PDCD6: variants seen among roughly 807,000 people sequenced by gnomAD.
PDCD6 encodes the protein programmed cell death protein 6.
A neutral mutation model predicts 28.3 loss-of-function variants in PDCD6; 12 were observed. The observed-to-expected ratio is 0.42, with a 90% CI of 0.27 to 0.69. The LOEUF (loss-of-function observed/expected upper bound fraction) is 0.69, where lower values mean the gene tolerates loss of function less well. Among genes scored for constraint, PDCD6 ranks in the 30% least tolerant of loss-of-function variants. PDCD6 has a pLI of 0.22. For synonymous variants in PDCD6, 92 were observed against 108.0 expected (o/e 0.85, Z 0.92); for missense variants, 226 against 269.9 (o/e 0.84, Z 1.14).
At chr5:309,098 GGGGAGCCCCA>G (rs1316127522) in intron 4 of PDCD6, 1 of 152,376 alleles carries the variant, frequency 6.6e-6, no homozygotes, top group Non-Finnish European at 1.5e-5. Context: ...CAAGAGCTGG[GGGGAGCCCCA>G]GGGAGCCTCA....
chr5:306,201 G>A (rs545274006), intron 3 of PDCD6: 24 of 223,184 alleles, frequency 1.1e-4, no homozygotes, highest in African/African-American at 3.5e-4. Flanking sequence ...TTAGATTCGC[G>A]TTCTAGGCCG....
intron 2 of PDCD6, chr5:290,168 G>A (rs1412409608): frequency 2.8e-5 from 44 of 1,592,682 alleles, no homozygotes; most frequent in Non-Finnish European, 3.6e-5. Context: ...ACTTTCTCCA[G>A]TTTGAAAATA....
In PDCD6 at chr5:314,895, G is replaced by A. The variant is rs1029878886; in HGVS notation, c.*380G>A. 1.2e-5 allele frequency: 4 copies of A among 341,518 alleles called. No homozygotes were observed. The highest frequency in any genetic ancestry group is 8.5e-5 in the African/African-American group (4 of 46,806). 21.2% of individuals were successfully genotyped at this position (341,518 alleles called of 1,614,324 possible). On this transcript the variant is annotated 3_prime_UTR_variant, in exon 6 of 6. Transcript: ENST00000264933. ...GGAACTTACACAAAAGGCTTTTCAT[G>A]TGCCTTACTTTTTTAAAAAGGAGTT...
At chr5:298,765 C>A (rs778018129) in intron 2 of PDCD6, among the ~76,000 whole-genome samples, 61 of 21,400 alleles carry the variant, frequency 2.9e-3, no homozygotes, top group South Asian at 5.6e-3. Context: ...CCAACTGCTC[C>A]CCCCCAGCTG....
rs113802406 is a variant in PDCD6, at chr5:302,107, T to TGTGTGTGTGTGTGC, written c.164-2069_164-2068insTGTGTGTGTGTGCG. ...GTGTGTGTGTGTGTGTGTGTGTGTGTGCCTTGGGTTCAGGTGCACCTGCCT... is the reference window on the plus strand; with the variant it reads ...GTGTGTGTGTGTGTGTGTGTGTGTGTGTGTGTGTGTGTGCGCCTTGGGTTCAGGTGCACCTGCCT... On this transcript the variant is annotated intron_variant, in intron 2 of 5. Transcript: ENST00000264933. Among the ~76,000 whole-genome samples the TGTGTGTGTGTGTGC allele has an allele frequency of 8.7e-4, 97 of 111,674 alleles. 3 individuals are homozygous for TGTGTGTGTGTGTGC. The highest frequency in any genetic ancestry group is 1.3e-3 in the Non-Finnish European group (74 of 56,334). The allele number at this position is 111,674 out of a possible 152,430, so 73.3% of individuals were successfully genotyped here.
At chr5:279,204 C>A (rs573452330) in intron 2 of PDCD6, among the ~76,000 whole-genome samples, 2 of 138,636 alleles carry the variant, frequency 1.4e-5, no homozygotes, top group Non-Finnish European at 3.0e-5. Context: ...TTCATTCCCC[C>A]CTAAGAGTAT....
In PDCD6 at chr5:311,394, G is replaced by A. The variant is rs371288200; in HGVS notation, c.469G>A (p.Val157Ile). Residue 157 changes from valine (V) to isoleucine (I), a missense_variant, in exon 5 of 6, where the codon GTC becomes ATC. Physicochemically the swap from Val to Ile is conservative, Grantham distance 29. This residue lies in a region of PDCD6 where 151 missense variants were observed against 177.2 expected (regional missense o/e 0.85). Transcript: ENST00000264933. ...CGACGACTTCATCCAGGGCTGCATC[G>A]TCCTGCAGGTGACGGAATGGCTTCA... ...AFDDFIQGCI[V>I]LQRLTDIFRR... 62 of 1,611,304 alleles carry A rather than the reference G, an allele frequency of 3.8e-5. No homozygotes were observed. The highest frequency in any genetic ancestry group is 1.6e-4 in the Middle Eastern group (1 of 6,082).
At chr5:306,869 A>C (rs1740531374) in intron 4 of PDCD6, 109 bp downstream of exon 4, 7 of 1,155,166 alleles carry the variant, frequency 6.1e-6, no homozygotes, top group Admixed American at 1.8e-5. Context: ...CAGGCTACGT[A>C]AAGTTTTTGT....
At chr5:276,518 C>G (rs1254103514) in intron 2 of PDCD6, 23 of 976,486 alleles carry the variant, frequency 2.4e-5, no homozygotes, top group South Asian at 1.4e-4. Context: ...TCAGGCTGGT[C>G]TCAAACTCCT....
At chr5:292,923 C>T (rs970635663) in intron 2 of PDCD6, among the ~76,000 whole-genome samples, 2 of 152,230 alleles carry the variant, frequency 1.3e-5, no homozygotes, top group African/African-American at 4.8e-5. Context: ...GGGTTTACCT[C>T]CTGGCGTGGC....
Position 271,663 on chromosome 5 carries a change from C to A in PDCD6, c.-58C>A, listed in dbSNP as rs1190770970. ...CCCCCGGCAGAGGCGGAAGCGGAGTCGGCCTGAGAGGTCTCTCGTCGCTGC... is the reference window on the plus strand; with the variant it reads ...CCCCCGGCAGAGGCGGAAGCGGAGTAGGCCTGAGAGGTCTCTCGTCGCTGC... On this transcript the variant is annotated 5_prime_UTR_variant, in exon 1 of 6. Coordinates refer to ENST00000264933, the MANE Select transcript of PDCD6 (RefSeq NM_013232.4). 4 of 992,608 alleles carry A rather than the reference C, an allele frequency of 4.0e-6. No individual in the cohort carries two copies. The highest frequency in any genetic ancestry group is 2.7e-5 in the South Asian group (2 of 73,272). The allele number at this position is 992,608 out of a possible 1,614,324, so 61.5% of individuals were successfully genotyped here.
intron 2 of PDCD6, among the ~76,000 whole-genome samples, chr5:284,022 G>A (rs1188063300): frequency 1.3e-5 from 2 of 152,154 alleles, no homozygotes; most frequent in East Asian, 1.9e-4. Flanking sequence ...TGAAGACTCG[G>A]GGTGGAGCTT....
chr5:289,323 A>G (rs1160924644), intron 2 of PDCD6: 7 of 550,218 alleles, frequency 1.3e-5, no homozygotes, highest in East Asian at 3.1e-5. Context: ...AAGGAGTTCT[A>G]TTATGTACAA....
chr5:271,651 C>T lies in PDCD6; in HGVS notation c.-70C>T, dbSNP rs1193923553. ...TGCCAGGCCCTGCCCCCGGCAGAGG[C>T]GGAAGCGGAGTCGGCCTGAGAGGTC... On this transcript the variant is annotated 5_prime_UTR_variant, in exon 1 of 6. Coordinates refer to ENST00000264933, the MANE Select transcript of PDCD6 (RefSeq NM_013232.4). 4.6e-6 allele frequency: 4 copies of T among 877,104 alleles called. No individual in the cohort carries two copies. Among genetic ancestry groups the T allele is most frequent in the East Asian group, 5.5e-5 (2 of 36,144 alleles). 54.3% of individuals were successfully genotyped at this position (877,104 alleles called of 1,614,324 possible).
At position 284,155 on chromosome 5, in the gene PDCD6, T is replaced by C. The variant is rs1426746590; in HGVS notation, c.163+11383T>C. 6.6e-5 allele frequency among the ~76,000 whole-genome samples: 10 copies of C among 151,676 alleles called. No homozygotes were observed. In the East Asian group the frequency reaches 1.8e-3, roughly 27 times the overall value. On this transcript the variant is annotated intron_variant, in intron 2 of 5. Coordinates refer to ENST00000264933, the MANE Select transcript of PDCD6 (RefSeq NM_013232.4). ...TGTTCTAATTTGAGTATCTTGCAGC[T>C]GCAGGCCTGGAGAGGAGCTGATGTA...
At position 289,242 on chromosome 5, in the gene PDCD6, T is replaced by A. The variant is rs988872208; in HGVS notation, c.164-14935T>A. The A allele has an allele frequency of 2.0e-5, 12 of 601,076 alleles. 1 individual carries two copies. The highest frequency in any genetic ancestry group is 1.3e-4 in the African/African-American group (7 of 54,848). 37.2% of individuals were successfully genotyped at this position (601,076 alleles called of 1,614,324 possible). A position where few individuals can be genotyped will look rare whatever the true frequency, so the allele number is the denominator to read the frequency against. ...TTTCATGAATTCTGATGTTCTATAA[T>A]TCAAATCACATTCCCTGAAATTCAG... On this transcript the variant is annotated intron_variant, in intron 2 of 5. Transcript: ENST00000264933.
Position 306,655 on chromosome 5 carries a change from G to C in PDCD6, c.262G>C (p.Val88Leu), listed in dbSNP as rs1259286633. 4 of 1,613,918 alleles carry C rather than the reference G, an allele frequency of 2.5e-6. No individual in the cohort carries two copies. The Admixed American group carries it at 6.7e-5, about 27-fold the overall frequency. ...AGVNFSEFTGVWKYITDWQNV... is the reference protein window; with the variant it reads ...AGVNFSEFTGLWKYITDWQNV... ...CGTGAACTTCAGCGAGTTCACGGGT[G>C]TGTGGAAGTACATCACGGACTGGCA... Residue 88 changes from valine (V) to leucine (L), a missense_variant, in exon 4 of 6, where the codon GTG (valine) becomes CTG (leucine). By Grantham distance (32) the Val-to-Leu change is conservative (BLOSUM62 1). Transcript: ENST00000264933.
In PDCD6 at chr5:314,789, A is replaced by G. The variant is rs948705301; in HGVS notation, c.*274A>G. 2 of 524,730 alleles carry G rather than the reference A, an allele frequency of 3.8e-6. No homozygotes were observed. The highest frequency in any genetic ancestry group is 1.9e-5 in the South Asian group (1 of 51,282). The allele number at this position is 524,730 out of a possible 1,614,324, so 32.5% of individuals were successfully genotyped here. ...TTTCAGGCATTCTGCTTGCAAAAAAATCTATCATGTGCTTTTCTAGATGTC... is the reference window on the plus strand; with the variant it reads ...TTTCAGGCATTCTGCTTGCAAAAAAGTCTATCATGTGCTTTTCTAGATGTC... On this transcript the variant is annotated 3_prime_UTR_variant, in exon 6 of 6. Transcript: ENST00000264933.
intron 2 of PDCD6, among the ~76,000 whole-genome samples, chr5:292,597 C>T (rs1462840452): frequency 6.6e-6 from 1 of 152,196 alleles, no homozygotes; most frequent in Non-Finnish European, 1.5e-5. Flanking sequence ...TATACCTGTT[C>T]ATTCCGGTGA....
Sources: gnomAD v4.1 joint callset for allele counts (sites outside exome capture counted in the v4.1 genomes callset) on GRCh38, gnomAD v4.1.1 for gene constraint, gnomAD v4.1.1 regional missense constraint, MANE v1.5 for transcripts, NCBI Gene and HGNC (gene_info 2026-07-23, HGNC 2026-07-21) for gene names.